GTF2H5: variants seen among roughly 807,000 people sequenced by gnomAD.
GTF2H5 encodes the protein general transcription factor IIH subunit 5.
A neutral mutation model predicts 7.1 loss-of-function variants in GTF2H5; 5 were observed. That is an observed-to-expected ratio of 0.71 (90% CI 0.37 to 1.49). The LOEUF is 1.49. Ranked by LOEUF, GTF2H5 falls within the 40% of genes most tolerant of loss-of-function variation. The pLI is 0.03. For missense variants in GTF2H5, 80 were observed against 83.0 expected, an observed-to-expected ratio of 0.96 and a Z score of 0.14; for synonymous variants, 30 against 31.7, an observed-to-expected ratio of 0.95 and a Z score of 0.18.
At chr6:158,170,002 C>G (rs189140044) in intron 1 of GTF2H5, among the ~76,000 whole-genome samples, 3 of 151,278 alleles carry the variant, frequency 2.0e-5, no homozygotes, top group Non-Finnish European at 4.4e-5. Context: ...GCCTGGGCGG[C>G]AGAGCCAGAC....
chr6:158,188,105 A>G (rs977519478), intron 2 of GTF2H5, among the ~76,000 whole-genome samples: 3 of 152,238 alleles, frequency 2.0e-5, no homozygotes, highest in African/African-American at 7.2e-5. Flanking sequence ...AGAAACCTCT[A>G]TGATTTTTAT....
rs1160913327 is a variant in GTF2H5, at chr6:158,175,150, A to G, written c.35+4612A>G. On this transcript the variant is annotated intron_variant, in intron 2 of 2. Transcript: ENST00000607778. ...TGAGTCCAGGTTTGTGATCTCAGCCAAAATCCCAAATTTATTAATGTTCCT... is the reference window on the plus strand; with the variant it reads ...TGAGTCCAGGTTTGTGATCTCAGCCGAAATCCCAAATTTATTAATGTTCCT... Among the ~76,000 whole-genome samples the G allele has an allele frequency of 5.3e-5, 8 of 152,122 alleles. No individual in the cohort carries two copies. In the East Asian group the frequency reaches 1.2e-3, roughly 22 times the overall value.
intron 2 of GTF2H5, among the ~76,000 whole-genome samples, chr6:158,171,823 G>T (rs1477064967): frequency 1.3e-5 from 2 of 152,202 alleles, no homozygotes; most frequent in Non-Finnish European, 2.9e-5. Flanking sequence ...AATGTACGTT[G>T]ATGAGAGTAA....
intron 2 of GTF2H5, among the ~76,000 whole-genome samples, chr6:158,174,549 G>A (rs964143911): frequency 1.3e-5 from 2 of 152,174 alleles, no homozygotes. Flanking sequence ...TGAAAGGTTG[G>A]TGAAAATTTC....
chr6:158,171,058 C>T lies in GTF2H5; in HGVS notation c.35+520C>T, dbSNP rs180834847. On this transcript the variant is annotated intron_variant, in intron 2 of 2. Coordinates refer to ENST00000607778, the MANE Select transcript of GTF2H5 (RefSeq NM_207118.3). ...GTCTGAAAATACTACTGTCTACTTT[C>T]GGTGCCTCTAATATGAGCCAGTGCA... 1.6e-3 allele frequency among the ~76,000 whole-genome samples: 249 copies of T among 152,250 alleles called. 1 individual carries two copies. The highest frequency in any genetic ancestry group is 5.6e-3 in the African/African-American group (233 of 41,526).
At chr6:158,171,389 G>A (rs957206546) in intron 2 of GTF2H5, among the ~76,000 whole-genome samples, 4 of 152,182 alleles carry the variant, frequency 2.6e-5, no homozygotes, top group East Asian at 1.9e-4. Flanking sequence ...CAGACTAACC[G>A]TGTTTCAAGG....
rs1235863191 is a variant in GTF2H5, at chr6:158,198,334, A to C, written c.*6177A>C. 6.6e-6 allele frequency: 1 copy of C among 152,260 alleles called. No individual in the cohort carries two copies. Among genetic ancestry groups the C allele is most frequent in the Non-Finnish European group, 1.5e-5 (1 of 68,050 alleles). The allele number at this position is 152,260 out of a possible 1,614,324, so 9.4% of individuals were successfully genotyped here. A position where few individuals can be genotyped will look rare whatever the true frequency, so the allele number is the denominator to read the frequency against. On this transcript the variant is annotated 3_prime_UTR_variant, in exon 3 of 3. Coordinates refer to ENST00000607778, the MANE Select transcript of GTF2H5 (RefSeq NM_207118.3). ...ATTTTTATCTTTGCCTTCATTCTTGAATGATAATTAGTCTCGAATGTTTGG... is the reference window on the plus strand; with the variant it reads ...ATTTTTATCTTTGCCTTCATTCTTGCATGATAATTAGTCTCGAATGTTTGG...
In GTF2H5 at chr6:158,191,986, C is replaced by A. The variant is rs1464919782; in HGVS notation, c.45C>A (p.Ala15=). The stretch of plus-strand genomic sequence containing the variant: ...GTGTTTGTCTTTACAGTGATCCTGC[C>A]ATGAAGCAGTTTCTGCTGTACTTGG... The part of the protein sequence containing the change: ...LKGVLIECDP[A]MKQFLLYLDE... The change falls in exon 3 of 3, where the codon GCC becomes GCA. Residue 15 remains alanine (A), a synonymous_variant. Coordinates refer to ENST00000607778, the MANE Select transcript of GTF2H5 (RefSeq NM_207118.3). 1.9e-6 allele frequency: 3 copies of A among 1,613,576 alleles called. No individual in the cohort carries two copies. The highest frequency in any genetic ancestry group is 2.5e-6 in the Non-Finnish European group (3 of 1,179,652).
chr6:158,172,259 C>A (rs753504700), intron 2 of GTF2H5, among the ~76,000 whole-genome samples: 2 of 150,920 alleles, frequency 1.3e-5, no homozygotes, highest in South Asian at 4.2e-4. Context: ...TAGATTCATT[C>A]ATCTAGAATT....
intron 2 of GTF2H5, among the ~76,000 whole-genome samples, chr6:158,182,141 T>A (rs1249471983): frequency 6.6e-6 from 1 of 152,214 alleles, no homozygotes; most frequent in Non-Finnish European, 1.5e-5. Context: ...TGAAGCTTAG[T>A]TTGGCTGGAT....
At chr6:158,170,394 C>T (rs904038691) in intron 1 of GTF2H5, 76 bp from the exon 2 acceptor site, 7 of 821,294 alleles carry the variant, frequency 8.5e-6, no homozygotes, top group South Asian at 2.9e-5. Context: ...TATTTTGCCT[C>T]GTTTCAGAGG....
chr6:158,177,868 G>C (rs1433683137), intron 2 of GTF2H5, among the ~76,000 whole-genome samples: 1 of 152,130 alleles, frequency 6.6e-6, no homozygotes, highest in African/African-American at 2.4e-5. Context: ...ATGGTTTCCA[G>C]CTTCATCCAT....
At chr6:158,172,312 G>A (rs1785868695) in intron 2 of GTF2H5, among the ~76,000 whole-genome samples, 1 of 151,150 alleles carries the variant, frequency 6.6e-6, no homozygotes, top group African/African-American at 2.4e-5. Flanking sequence ...ATCTAAATTA[G>A]CTTCTTTTTT....
At chr6:158,182,969 G>C (rs1423820587) in intron 2 of GTF2H5, among the ~76,000 whole-genome samples, 3 of 151,762 alleles carry the variant, frequency 2.0e-5, no homozygotes, top group African/African-American at 7.3e-5. Context: ...CTGGTTTTTG[G>C]AATTTTCAGC....
At chr6:158,171,203 T>G (rs574910175) in intron 2 of GTF2H5, among the ~76,000 whole-genome samples, 4 of 152,224 alleles carry the variant, frequency 2.6e-5, no homozygotes, top group African/African-American at 7.2e-5. Context: ...GCCACAGATA[T>G]AGTCTTACAT....
In GTF2H5 at chr6:158,191,982, C is replaced by A. The variant is rs962907167; in HGVS notation, c.41C>A (p.Pro14His). ...VLKGVLIECD[P>H]AMKQFLLYLD... is the part of the protein sequence containing the mutation. ...TCATGTGTTTGTCTTTACAGTGATC[C>A]TGCCATGAAGCAGTTTCTGCTGTAC... The change falls in exon 3 of 3, where the codon CCT (proline) becomes CAT (histidine). Residue 14 changes from proline (P) to histidine (H), a missense_variant. Pro to His is a moderately conservative substitution (Grantham distance 77, BLOSUM62 -2). Coordinates refer to ENST00000607778, the MANE Select transcript of GTF2H5 (RefSeq NM_207118.3). 7 of 1,613,304 alleles carry A rather than the reference C, an allele frequency of 4.3e-6. No homozygotes were observed. In the African/African-American group the frequency reaches 9.3e-5, roughly 22 times the overall value.
chr6:158,173,141 A>G (rs956012756), intron 2 of GTF2H5, among the ~76,000 whole-genome samples: 3 of 152,230 alleles, frequency 2.0e-5, no homozygotes, highest in African/African-American at 7.2e-5. Flanking sequence ...GAGAAGCAAT[A>G]ATACTGTTAA....
intron 2 of GTF2H5, among the ~76,000 whole-genome samples, chr6:158,184,474 T>C (rs1412802089): frequency 6.6e-6 from 1 of 152,146 alleles, no homozygotes; most frequent in East Asian, 1.9e-4. Context: ...AAATGGTAGC[T>C]GTGTTTCTGG....
intron 2 of GTF2H5, among the ~76,000 whole-genome samples, chr6:158,175,223 G>A (rs1785918436): frequency 6.6e-6 from 1 of 152,062 alleles, no homozygotes; most frequent in South Asian, 2.1e-4. Flanking sequence ...AATAAGATGG[G>A]ATTCTTGATA....
Sources: allele counts gnomAD v4.1 joint callset (sites outside exome capture counted in the v4.1 genomes callset), GRCh38; gene constraint gnomAD v4.1.1; transcripts MANE v1.5; gene names NCBI Gene and HGNC (gene_info 2026-07-23, HGNC 2026-07-21).